Variants in TEC observed in about 807,000 individuals in gnomAD.
TEC encodes the protein tec protein tyrosine kinase.
In TEC, 72 loss-of-function variants were observed where a neutral mutation model predicts 93.0. The observed-to-expected ratio is 0.77, with a 90% CI of 0.64 to 0.94. The LOEUF (loss-of-function observed/expected upper bound fraction) is 0.94. Ranked by LOEUF, TEC falls within the 40% of genes least tolerant of loss-of-function variation. The pLI is 0.00. For missense variants in TEC, 630 were observed against 757.9 expected, an observed-to-expected ratio of 0.83 and a Z score of 1.98; for synonymous variants, 249 against 247.7, an observed-to-expected ratio of 1.01 and a Z score of -0.05.
chr4:48,182,051 G>A (rs951317739), intron 2 of TEC, among the ~76,000 whole-genome samples: 1 of 152,044 alleles, frequency 6.6e-6, no homozygotes, highest in African/African-American at 2.4e-5. Context: ...AGGAGGCCAA[G>A]GCAGGCAGAT....
chr4:48,228,413 A>G (rs1723545441), intron 2 of TEC, 64 bp downstream of exon 2: 1 of 1,459,134 alleles, frequency 6.9e-7, no homozygotes, highest in East Asian at 2.5e-5. Context: ...TTGGAGAGGC[A>G]GGCAATATTA....
chr4:48,197,201 A>C (rs943732965), intron 2 of TEC, among the ~76,000 whole-genome samples: 1 of 152,198 alleles, frequency 6.6e-6, no homozygotes, highest in East Asian at 1.9e-4. Context: ...TCACAAAGCT[A>C]TCCAGAGGCA....
chr4:48,138,925 T>C lies in TEC; in HGVS notation c.1633A>G (p.Lys545Glu). Residue 545 changes from lysine to glutamate, a missense_variant, in exon 16 of 18, where the codon AAA becomes GAA. Coordinates refer to ENST00000381501, the MANE Select transcript of TEC (RefSeq NM_003215.3). ...EVFNYSRFSS[K>E]SDVWSFGVLM... is the part of the protein sequence containing the mutation. ...TTACCAAATGACCAGACATCTGATT[T>C]GCTGCTGAAGCGGCTGTAATTAAAC... The C allele has an allele frequency of 6.2e-7, 1 of 1,614,224 alleles. No individual in the cohort carries two copies. Among genetic ancestry groups the C allele is most frequent in the South Asian group, 1.1e-5 (1 of 91,080 alleles).
intron 9 of TEC, among the ~76,000 whole-genome samples, chr4:48,154,305 G>A (rs1465585409): frequency 6.6e-6 from 1 of 152,162 alleles, no homozygotes; most frequent in Non-Finnish European, 1.5e-5. Flanking sequence ...TAGACCTACT[G>A]GTCAGACAGG....
intron 1 of TEC, among the ~76,000 whole-genome samples, chr4:48,268,512 T>G (rs1451137266): frequency 6.6e-6 from 1 of 152,236 alleles, no homozygotes; most frequent in African/African-American, 2.4e-5. Flanking sequence ...TACTTTCAAA[T>G]ACATAATGTG....
Position 48,145,885 on chromosome 4 carries a change from T to C in TEC, c.1082-306A>G, listed in dbSNP as rs572617936. ...ACAAATACTTCCTTCTTTACCACTCTTCCTTCTCAGGTTTTTTTTTTGTTG... is the reference window on the plus strand; with the variant it reads ...ACAAATACTTCCTTCTTTACCACTCCTCCTTCTCAGGTTTTTTTTTTGTTG... On this transcript the variant is annotated intron_variant, in intron 12 of 17. Transcript: ENST00000381501. 6.6e-5 allele frequency among the ~76,000 whole-genome samples: 10 copies of C among 152,262 alleles called. No homozygotes were observed. The East Asian group carries it at 1.7e-3, about 26-fold the overall frequency.
At chr4:48,149,482 C>T in intron 11 of TEC, 75 bp downstream of exon 11, 1 of 1,390,538 alleles carries the variant, frequency 7.2e-7, no homozygotes. Context: ...TAAAACTGCT[C>T]AAGGAATTAA....
intron 1 of TEC, among the ~76,000 whole-genome samples, chr4:48,257,089 T>C (rs1346971798): frequency 6.6e-6 from 1 of 152,234 alleles, no homozygotes; most frequent in South Asian, 2.1e-4. Context: ...TCACTCTATC[T>C]GCTGCATTAC....
chr4:48,227,658 A>T (rs1415816328), intron 2 of TEC, among the ~76,000 whole-genome samples: 1 of 151,788 alleles, frequency 6.6e-6, no homozygotes, highest in South Asian at 2.1e-4. Flanking sequence ...AAAAAAAAAA[A>T]AAACTAAACC....
intron 1 of TEC, among the ~76,000 whole-genome samples, chr4:48,248,655 A>G (rs561389176): frequency 6.6e-6 from 1 of 152,362 alleles, no homozygotes; most frequent in South Asian, 2.1e-4. Context: ...GTCAGTTTGT[A>G]TAACAAGGTA....
In TEC at chr4:48,146,382, G is replaced by A. The variant is rs1453194718; in HGVS notation, c.1024C>T (p.Arg342Trp). 12 of 1,613,692 alleles carry A rather than the reference G, an allele frequency of 7.4e-6. No homozygotes were observed. Among genetic ancestry groups the A allele is most frequent in the Non-Finnish European group, 9.3e-6 (11 of 1,179,700 alleles). The change falls in exon 12 of 18, where the codon CGG becomes TGG. Residue 342 changes from arginine to tryptophan, a missense_variant. Arg to Trp is a moderately radical substitution (Grantham distance 101). Transcript: ENST00000381501. ...HNAAGLVTRLRYPVSVKGKNA... is the reference protein window; with the variant it reads ...HNAAGLVTRLWYPVSVKGKNA... ...TTCCCTTTCACACTAACTGGGTACC[G>A]AAGCCTGGTGACAAGTCCTAATAAT...
At chr4:48,146,859 A>G (rs1719938089) in intron 11 of TEC, among the ~76,000 whole-genome samples, 1 of 152,214 alleles carries the variant, frequency 6.6e-6, no homozygotes, top group Non-Finnish European at 1.5e-5. Context: ...ACAGCACTAA[A>G]TAAGAAACAG....
intron 1 of TEC, among the ~76,000 whole-genome samples, chr4:48,243,503 T>C (rs1306181836): frequency 1.3e-5 from 2 of 152,214 alleles, no homozygotes; most frequent in African/African-American, 4.8e-5. Context: ...CAGTTGGTCA[T>C]TGCCTCATCT....
chr4:48,212,098 C>CAAAAAAA (rs59441112), intron 2 of TEC, among the ~76,000 whole-genome samples: 6 of 86,540 alleles, frequency 6.9e-5, no homozygotes, highest in African/African-American at 1.8e-4. Context: ...GACTCTGTCT[C>CAAAAAAA]AAAAAAAAAA....
intron 2 of TEC, among the ~76,000 whole-genome samples, chr4:48,178,922 CAT>C (rs930917997): frequency 1.1e-4 from 16 of 152,212 alleles, no homozygotes; most frequent in Admixed American, 2.6e-4. Flanking sequence ...CCTCCCACCT[CAT>C]AGCCTGCTAA....
At chr4:48,259,322 T>A (rs796829041) in intron 1 of TEC, among the ~76,000 whole-genome samples, 11 of 152,306 alleles carry the variant, frequency 7.2e-5, no homozygotes, top group African/African-American at 2.6e-4. Flanking sequence ...GTGACTCATG[T>A]TTGCCTACGT....
chr4:48,175,896 C>T lies in TEC; in HGVS notation c.243+186G>A, dbSNP rs191042476. On this transcript the variant is annotated intron_variant, in intron 3 of 17. Transcript: ENST00000381501. ...CAACCTCACTTTTCAGTCTTAGCCC[C>T]AACTCCTTAAGAATCAGAAAATGTT... Among the ~76,000 whole-genome samples, 471 of 152,224 alleles carry T rather than the reference C, an allele frequency of 3.1e-3. 3 individuals are homozygous for T. The highest frequency in any genetic ancestry group is 3.5e-3 in the Non-Finnish European group (236 of 68,022).
At chr4:48,231,409 G>C (rs1179990505) in intron 1 of TEC, among the ~76,000 whole-genome samples, 2 of 152,126 alleles carry the variant, frequency 1.3e-5, no homozygotes, top group African/African-American at 4.8e-5. Flanking sequence ...CATTTCTCTG[G>C]AAATTATATT....
chr4:48,142,394 A>T (rs1382433418), intron 14 of TEC, among the ~76,000 whole-genome samples: 1 of 151,984 alleles, frequency 6.6e-6, no homozygotes, highest in African/African-American at 2.4e-5. Flanking sequence ...AATTGCTTGA[A>T]CCCATGAGGT....
Sources: allele counts gnomAD v4.1 joint callset (sites outside exome capture counted in the v4.1 genomes callset), GRCh38; gene constraint gnomAD v4.1.1; transcripts MANE v1.5; gene names NCBI Gene and HGNC (gene_info 2026-07-23, HGNC 2026-07-21).